The following STK3 variants were observed in gnomAD, a reference collection of about 807,000 sequenced individuals.
The protein encoded by STK3 is serine/threonine kinase 3.
A neutral mutation model predicts 58.0 loss-of-function variants in STK3; 41 were observed. The ratio of observed to expected loss-of-function variants is 0.71; its 90% CI spans 0.55 to 0.92. The LOEUF (loss-of-function observed/expected upper bound fraction) is 0.92, where lower values mean the gene tolerates loss of function less well. STK3 is among the 40% of genes least tolerant of loss of function. The pLI is 0.00. For synonymous variants in STK3, 170 were observed against 191.0 expected (o/e 0.89, Z 0.91); for missense variants, 479 against 602.7 (o/e 0.79, Z 2.15).
intron 6 of STK3, among the ~76,000 whole-genome samples, chr8:98,642,286 G>T (rs1441068135): frequency 6.6e-6 from 1 of 152,020 alleles, no homozygotes; most frequent in Non-Finnish European, 1.5e-5. Flanking sequence ...TTGGCACTGA[G>T]CTGTACACTT....
chr8:98,712,699 C>T (rs1236582813), intron 4 of STK3, among the ~76,000 whole-genome samples: 1 of 151,912 alleles, frequency 6.6e-6, no homozygotes, highest in African/African-American at 2.4e-5. Flanking sequence ...ACTTTAACAC[C>T]CCACTGTCAA....
chr8:98,375,046 C>T (rs1817658066), intron 2 of STK3, among the ~76,000 whole-genome samples: 1 of 151,578 alleles, frequency 6.6e-6, no homozygotes, highest in Admixed American at 6.6e-5. Flanking sequence ...TCAAAAATAG[C>T]CTGGGCAACA....
chr8:98,561,529 A>T (rs997117304), intron 8 of STK3, among the ~76,000 whole-genome samples: 4 of 152,100 alleles, frequency 2.6e-5, no homozygotes, highest in Non-Finnish European at 4.4e-5. Flanking sequence ...TCAGCTGGGC[A>T]TGGTGGCTCA....
chr8:98,597,234 T>G, intron 6 of STK3: 1 of 968,446 alleles, frequency 1.0e-6, no homozygotes, highest in Non-Finnish European at 1.2e-6. Context: ...TAATGCATTA[T>G]CATTGGTTTC....
chr8:98,614,037 T>C (rs1817433806), intron 6 of STK3, among the ~76,000 whole-genome samples: 1 of 151,640 alleles, frequency 6.6e-6, no homozygotes, highest in Non-Finnish European at 1.5e-5. Context: ...AGCTATAAAA[T>C]ATATGAAGCA....
intron 1 of STK3, among the ~76,000 whole-genome samples, chr8:98,806,521 A>C (rs1269434295): frequency 1.3e-5 from 2 of 152,180 alleles, no homozygotes; most frequent in Non-Finnish European, 2.9e-5. Context: ...CAAAGTATAC[A>C]TGCTAACTGA....
chr8:98,695,387 T>C (rs1372392709), intron 6 of STK3, among the ~76,000 whole-genome samples: 1 of 152,214 alleles, frequency 6.6e-6, no homozygotes, highest in Non-Finnish European at 1.5e-5. Context: ...TTTGTTGCCA[T>C]TGCTTTTGGT....
intron 4 of STK3, among the ~76,000 whole-genome samples, chr8:98,707,910 G>C (rs949882560): frequency 1.3e-5 from 2 of 151,890 alleles, no homozygotes; most frequent in African/African-American, 4.8e-5. Flanking sequence ...AGGCTGAGGC[G>C]AGCAGATCAC....
chr8:98,585,900 C>G (rs1814517569), intron 7 of STK3, among the ~76,000 whole-genome samples: 1 of 151,452 alleles, frequency 6.6e-6, no homozygotes. Context: ...CTCTGTTTGT[C>G]TGTTGTTGGT....
At chr8:98,696,391 A>G (rs1398627452) in intron 6 of STK3, among the ~76,000 whole-genome samples, 2 of 151,286 alleles carry the variant, frequency 1.3e-5, no homozygotes, top group Admixed American at 6.6e-5. Context: ...TTCCAACACT[A>G]TGTTGAATAG....
chr8:98,787,802 ATCAGCCAAGAAT>A (rs1832564704), intron 1 of STK3, among the ~76,000 whole-genome samples: 1 of 152,190 alleles, frequency 6.6e-6, no homozygotes, highest in Non-Finnish European at 1.5e-5. Context: ...CAAAACAATT[ATCAGCCAAGAAT>A]TTTGCACCCA....
At chr8:98,467,860 T>C (rs935537675) in intron 10 of STK3, among the ~76,000 whole-genome samples, 1 of 152,206 alleles carries the variant, frequency 6.6e-6, no homozygotes, top group Non-Finnish European at 1.5e-5. Flanking sequence ...AGAGCATCAT[T>C]CTTACTAATG....
intron 9 of STK3, among the ~76,000 whole-genome samples, chr8:98,536,789 C>T (rs1465471745): frequency 6.6e-6 from 1 of 152,206 alleles, no homozygotes; most frequent in African/African-American, 2.4e-5. Flanking sequence ...CAGTCCTTAA[C>T]TGATACATTT....
intron 1 of STK3, among the ~76,000 whole-genome samples, chr8:98,794,632 A>G (rs1833010559): frequency 6.6e-6 from 1 of 152,210 alleles, no homozygotes; most frequent in Admixed American, 6.5e-5. Context: ...AACTATTCCA[A>G]AAATCAAGGA....
chr8:98,504,010 T>C (rs139295822), intron 10 of STK3, among the ~76,000 whole-genome samples: 2,711 of 152,274 alleles, frequency 0.018, 83 homozygotes, highest in African/African-American at 0.063. Flanking sequence ...ATTATTACTG[T>C]GTGGGAGTCT....
chr8:98,907,419 A>G (rs1838957523), intron 1 of STK3, among the ~76,000 whole-genome samples: 1 of 150,040 alleles, frequency 6.7e-6, no homozygotes, highest in Admixed American at 6.7e-5. Context: ...AGGCTAAGGC[A>G]GGAGAATCCC....
chr8:98,736,614 T>G (rs2131275817), intron 4 of STK3, among the ~76,000 whole-genome samples: 1 of 152,320 alleles, frequency 6.6e-6, no homozygotes. Flanking sequence ...TGTTCAAAAA[T>G]AGACAATAGT....
intron 1 of STK3, among the ~76,000 whole-genome samples, chr8:98,896,956 GCGACAGAGACCCTGTCTCAA>G (rs1322514176): frequency 6.6e-6 from 1 of 151,932 alleles, no homozygotes; most frequent in Non-Finnish European, 1.5e-5. Context: ...TTCAGCATGG[GCGACAGAGACCCTGTCTCAA>G]AAATAAAAAA....
intron 1 of STK3, among the ~76,000 whole-genome samples, chr8:98,816,909 G>A (rs186460177): frequency 1.3e-5 from 2 of 152,266 alleles, no homozygotes; most frequent in Non-Finnish European, 2.9e-5. Context: ...TACTACACAA[G>A]TCAGGAAAAT....
Sources: gnomAD v4.1 joint callset for allele counts (sites outside exome capture counted in the v4.1 genomes callset) on GRCh38, gnomAD v4.1.1 for gene constraint, MANE v1.5 for transcripts, NCBI Gene and HGNC (gene_info 2026-07-23, HGNC 2026-07-21) for gene names.